Variants in PDE11A observed in about 807,000 individuals in gnomAD.
PDE11A encodes the protein phosphodiesterase 11A, also known as dual 3',5'-cyclic-AMP and -GMP phosphodiesterase 11A.
Under a neutral mutation model 100.5 loss-of-function variants are expected in PDE11A, and 100 were observed. The ratio of observed to expected loss-of-function variants is 1.00; its 90% CI spans 0.85 to 1.18. The LOEUF (loss-of-function observed/expected upper bound fraction) is 1.18. PDE11A is among the 50% of genes most tolerant of loss of function. The pLI is 0.00. For synonymous variants in PDE11A, 381 were observed against 420.8 expected (o/e 0.91, Z 1.16); for missense variants, 1,141 against 1,152.6 (o/e 0.99, Z 0.15).
At chr2:177,837,896 T>C (rs1027205697) in intron 6 of PDE11A, among the ~76,000 whole-genome samples, 3 of 152,132 alleles carry the variant, frequency 2.0e-5, no homozygotes, top group African/African-American at 7.2e-5. Context: ...TCTTAAGGAG[T>C]GCTCAGCTTA....
intron 5 of PDE11A, among the ~76,000 whole-genome samples, chr2:177,861,925 G>A (rs1370745097): frequency 6.6e-6 from 1 of 151,830 alleles, no homozygotes; most frequent in South Asian, 2.1e-4. Flanking sequence ...AACTTAAAGT[G>A]GATCAAGGGC....
chr2:177,781,032 T>C (rs2082447193), intron 9 of PDE11A, among the ~76,000 whole-genome samples: 1 of 152,246 alleles, frequency 6.6e-6, no homozygotes, highest in African/African-American at 2.4e-5. Flanking sequence ...ATCTCACCTT[T>C]TGACATGCCT....
At chr2:177,673,343 G>A (rs980773248) in intron 17 of PDE11A, among the ~76,000 whole-genome samples, 2 of 152,184 alleles carry the variant, frequency 1.3e-5, no homozygotes, top group East Asian at 1.9e-4. Context: ...ATTTCCCAGG[G>A]AGGATTGAAA....
rs769014444 is a variant in PDE11A at position 178,072,355 on chromosome 2, C to T, written c.83G>A (p.Arg28Gln). 6.2e-7 allele frequency: 1 copy of T among 1,614,070 alleles called. No individual in the cohort carries two copies. Among genetic ancestry groups the T allele is most frequent in the Non-Finnish European group, 8.5e-7 (1 of 1,180,036 alleles). The change falls in exon 1 of 20, where the codon CGG (arginine) becomes CAG (glutamine). Residue 28 changes from arginine to glutamine, a missense_variant. By Grantham distance (43) the Arg-to-Gln change is conservative. Coordinates refer to ENST00000286063, the MANE Select transcript of PDE11A (RefSeq NM_016953.4). ...TTCAACCATCTCCTGCTTCCCCTTC[C>T]GCATCAAGTAATCTTCAAACAACTC... is the stretch of plus-strand genomic sequence containing the variant. ...HPELFEDYLM[R>Q]KGKQEMVEKW...
At chr2:177,748,948 AT>A (rs2081990618) in intron 10 of PDE11A, among the ~76,000 whole-genome samples, 1 of 152,232 alleles carries the variant, frequency 6.6e-6, no homozygotes, top group South Asian at 2.1e-4. Context: ...GTTCTTCAAC[AT>A]TGGAAACTGT....
At chr2:178,081,696 G>GTTTT (rs2087287176) in intron 2 of PDE11A, among the ~76,000 whole-genome samples, 1 of 152,166 alleles carries the variant, frequency 6.6e-6, no homozygotes, top group Non-Finnish European at 1.5e-5. Flanking sequence ...TTGTTTGTTT[G>GTTTT]TGGTAGTGAC....
chr2:177,717,195 A>G (rs2081450782), intron 12 of PDE11A, among the ~76,000 whole-genome samples: 1 of 152,180 alleles, frequency 6.6e-6, no homozygotes, highest in Non-Finnish European at 1.5e-5. Flanking sequence ...GAGTTACTGA[A>G]GCAGCACCTA....
intron 10 of PDE11A, among the ~76,000 whole-genome samples, chr2:177,736,206 G>A (rs563209824): frequency 1.3e-5 from 2 of 152,200 alleles, no homozygotes; most frequent in African/African-American, 2.4e-5. Context: ...ACGTGCTCCC[G>A]GGGGAGATAA....
chr2:177,986,218 C>T (rs2085937493), intron 2 of PDE11A, among the ~76,000 whole-genome samples: 1 of 152,174 alleles, frequency 6.6e-6, no homozygotes, highest in Admixed American at 6.5e-5. Flanking sequence ...GATTCCAGAT[C>T]CTAACACCAG....
intron 4 of PDE11A, among the ~76,000 whole-genome samples, chr2:177,895,553 CAAA>C (rs1293338206): frequency 2.4e-5 from 2 of 82,448 alleles, no homozygotes; most frequent in Non-Finnish European, 2.6e-5. Flanking sequence ...GACTCCACCT[CAAA>C]AAAAAAAAAA....
At chr2:178,103,269 A>T (rs1255545356) in intron 2 of PDE11A, among the ~76,000 whole-genome samples, 1 of 152,176 alleles carries the variant, frequency 6.6e-6, no homozygotes, top group Non-Finnish European at 1.5e-5. Flanking sequence ...AGTCAGACAC[A>T]AAGGGTCACA....
intron 1 of PDE11A, among the ~76,000 whole-genome samples, chr2:178,060,214 A>G (rs2105864709): frequency 6.6e-6 from 1 of 152,300 alleles, no homozygotes; most frequent in East Asian, 1.9e-4. Flanking sequence ...GCCTCAGAAG[A>G]GTGAGAAATG....
intron 2 of PDE11A, among the ~76,000 whole-genome samples, chr2:178,102,349 A>G (rs536601155): frequency 6.9e-6 from 1 of 144,666 alleles, no homozygotes; most frequent in Admixed American, 6.9e-5. Flanking sequence ...CTGGTCTTGA[A>G]CTCCTGACCT....
intron 9 of PDE11A, among the ~76,000 whole-genome samples, chr2:177,777,870 A>G (rs1278036910): frequency 2.6e-5 from 4 of 152,236 alleles, no homozygotes; most frequent in Non-Finnish European, 5.9e-5. Context: ...CTTTCACAAG[A>G]AAATTTCTGA....
chr2:177,876,033 A>G (rs2084235249), intron 4 of PDE11A, 110 bp from the exon 5 acceptor site: 6 of 751,408 alleles, frequency 8.0e-6, no homozygotes, highest in Admixed American at 6.0e-5. Context: ...TGGAGATTAT[A>G]GAGAGATTTT....
Position 177,701,346 on chromosome 2 carries a change from T to C in PDE11A, c.2154-135A>G, listed in dbSNP as rs183428903. ...CATCCTTAGGTAACTGCTTTTGTAG[T>C]CCATTCATCTATGAAATAAATCGTT... On this transcript the variant is annotated intron_variant, in intron 13 of 19. Coordinates refer to ENST00000286063, the MANE Select transcript of PDE11A (RefSeq NM_016953.4). 2.1e-4 allele frequency: 144 copies of C among 688,804 alleles called. No homozygotes were observed. In the African/African-American group the frequency reaches 2.3e-3, roughly 11 times the overall value. The allele number at this position is 688,804 out of a possible 1,614,324, so 42.7% of individuals were successfully genotyped here.
At chr2:178,089,123 G>C (rs1412004655) in intron 2 of PDE11A, among the ~76,000 whole-genome samples, 2 of 152,130 alleles carry the variant, frequency 1.3e-5, no homozygotes, top group African/African-American at 4.8e-5. Context: ...ATTTATTATA[G>C]GAATTAGGCC....
chr2:178,052,315 T>C (rs1169583909), intron 1 of PDE11A, among the ~76,000 whole-genome samples: 1 of 152,216 alleles, frequency 6.6e-6, no homozygotes, highest in Non-Finnish European at 1.5e-5. Context: ...TTGAAACCAG[T>C]GAGAACAAAG....
At chr2:177,840,496 T>G in intron 5 of PDE11A, 113 bp from the exon 6 acceptor site, 1 of 916,304 alleles carries the variant, frequency 1.1e-6, no homozygotes, top group East Asian at 2.5e-5. Flanking sequence ...TAAGAAAAAA[T>G]AAGTGACATT....
Sources: allele counts gnomAD v4.1 joint callset (sites outside exome capture counted in the v4.1 genomes callset), GRCh38; gene constraint gnomAD v4.1.1; transcripts MANE v1.5; gene names NCBI Gene and HGNC (gene_info 2026-07-23, HGNC 2026-07-21).